Variants in ZCCHC17 observed in about 807,000 individuals in gnomAD.
ZCCHC17 encodes the protein zinc finger CCHC-type containing 17.
In ZCCHC17, 18 loss-of-function variants were observed where a neutral mutation model predicts 30.6. That is an observed-to-expected ratio of 0.59 (90% CI 0.41 to 0.87). The LOEUF (loss-of-function observed/expected upper bound fraction) is 0.87, where lower values mean the gene tolerates loss of function less well. Ranked by LOEUF, ZCCHC17 falls within the 40% of genes least tolerant of loss-of-function variation. The pLI, the probability that ZCCHC17 is intolerant of heterozygous loss-of-function variation, is 0.00. For synonymous variants in ZCCHC17, 88 were observed against 92.4 expected, an observed-to-expected ratio of 0.95 and a Z score of 0.27; for missense variants, 263 against 284.2, an observed-to-expected ratio of 0.93 and a Z score of 0.54.
At chr1:31,362,106 A>G (rs1038068505) in intron 7 of ZCCHC17, among the ~76,000 whole-genome samples, 2 of 152,172 alleles carry the variant, frequency 1.3e-5, no homozygotes, top group Non-Finnish European at 2.9e-5. Flanking sequence ...CACCGCGCCC[A>G]GCCAGTAGAT....
rs775062343 is a variant in ZCCHC17 at position 31,338,984 on chromosome 1, C to G, written c.253C>G (p.Leu85Val). The change falls in exon 5 of 8, where the codon CTC (leucine) becomes GTC (valine). Residue 85 changes from leucine (L) to valine (V), a missense_variant. Physicochemically the swap from Leu to Val is conservative, Grantham distance 32 (BLOSUM62 1). Transcript: ENST00000344147. ...GAAAAATGATAGAATAAAAGTATCC[C>G]TCTCCATGAAGGTTGTCAATCAAGG... ...EMKNDRIKVS[L>V]SMKVVNQGTG... The G allele has an allele frequency of 1.9e-6, 3 of 1,611,426 alleles. No homozygotes were observed. Among genetic ancestry groups the G allele is most frequent in the Non-Finnish European group, 2.5e-6 (3 of 1,179,400 alleles).
At chr1:31,363,919 T>C in intron 7 of ZCCHC17, 113 bp from the exon 8 acceptor site, 1 of 1,447,758 alleles carries the variant, frequency 6.9e-7, no homozygotes. Context: ...CACCTCGGCT[T>C]CCCAAAGTAC....
intron 2 of ZCCHC17, among the ~76,000 whole-genome samples, chr1:31,312,967 TTC>T (rs1226132609): frequency 1.3e-5 from 2 of 152,032 alleles, no homozygotes; most frequent in African/African-American, 4.8e-5. Context: ...GAGACAAGGT[TTC>T]ACCATGTTGG....
At chr1:31,311,051 T>C (rs867168002) in intron 2 of ZCCHC17, among the ~76,000 whole-genome samples, 18 of 152,318 alleles carry the variant, frequency 1.2e-4, no homozygotes, top group African/African-American at 4.1e-4. Flanking sequence ...TTCTTCACAT[T>C]GTAGCTAGCA....
intron 1 of ZCCHC17, among the ~76,000 whole-genome samples, chr1:31,309,119 G>A (rs1297205806): frequency 6.6e-6 from 1 of 151,906 alleles, no homozygotes; most frequent in Non-Finnish European, 1.5e-5. Context: ...GAAAAAAAAA[G>A]TAAGCCCTTT....
intron 1 of ZCCHC17, among the ~76,000 whole-genome samples, chr1:31,305,197 C>T (rs1431456408): frequency 6.6e-6 from 1 of 152,184 alleles, no homozygotes. Flanking sequence ...TATGGAGGCT[C>T]ACCTCTGGTT....
chr1:31,348,741 C>T, intron 6 of ZCCHC17, 88 bp from the exon 7 acceptor site: 1 of 1,509,802 alleles, frequency 6.6e-7, no homozygotes, highest in South Asian at 1.1e-5. Flanking sequence ...AGCCAGCTAG[C>T]CCATTTCAGG....
intron 5 of ZCCHC17, 42 bp downstream of exon 5, chr1:31,339,090 C>T (rs771784292): frequency 1.4e-6 from 2 of 1,459,686 alleles, no homozygotes; most frequent in Non-Finnish European, 1.9e-6. Context: ...TTCTGCCTCC[C>T]AAATCATAAA....
chr1:31,314,061 C>T (rs1055899351), intron 2 of ZCCHC17, among the ~76,000 whole-genome samples: 6 of 152,220 alleles, frequency 3.9e-5, no homozygotes, highest in Admixed American at 6.5e-5. Flanking sequence ...GACAGAGTTT[C>T]GCCATGTTGG....
intron 3 of ZCCHC17, among the ~76,000 whole-genome samples, chr1:31,332,537 T>G (rs1333844792): frequency 6.6e-6 from 1 of 152,050 alleles, no homozygotes; most frequent in African/African-American, 2.4e-5. Flanking sequence ...TTTTTATGAT[T>G]GGAAATAATG....
At chr1:31,320,335 C>G (rs1646832357) in intron 3 of ZCCHC17, among the ~76,000 whole-genome samples, 1 of 152,032 alleles carries the variant, frequency 6.6e-6, no homozygotes, top group East Asian at 1.9e-4. Flanking sequence ...ATTCACATAC[C>G]ACACATTTCA....
At chr1:31,321,431 A>T (rs923235718) in intron 3 of ZCCHC17, among the ~76,000 whole-genome samples, 1 of 152,206 alleles carries the variant, frequency 6.6e-6, no homozygotes, top group African/African-American at 2.4e-5. Context: ...TAAATTACCC[A>T]GTCTCGTATG....
chr1:31,330,049 C>T (rs890798907), intron 3 of ZCCHC17, among the ~76,000 whole-genome samples: 3 of 152,210 alleles, frequency 2.0e-5, no homozygotes, highest in African/African-American at 4.8e-5. Flanking sequence ...GATGAATTGA[C>T]TTAAACTGTG....
At chr1:31,325,263 C>G (rs961527212) in intron 3 of ZCCHC17, among the ~76,000 whole-genome samples, 2 of 152,242 alleles carry the variant, frequency 1.3e-5, no homozygotes, top group African/African-American at 2.4e-5. Context: ...TAAAGCAACT[C>G]TTTGCCTTGC....
intron 7 of ZCCHC17, 102 bp downstream of exon 7, chr1:31,349,076 TTGGGAGGATAAGG>T (rs1639377802): frequency 1.5e-6 from 2 of 1,364,638 alleles, no homozygotes; most frequent in Non-Finnish European, 2.0e-6. Context: ...TCCCAGCTAC[TTGGGAGGATAAGG>T]TGGGAGGATT....
intron 7 of ZCCHC17, among the ~76,000 whole-genome samples, chr1:31,350,255 G>A (rs1639425188): frequency 6.6e-6 from 1 of 152,156 alleles, no homozygotes; most frequent in Admixed American, 6.5e-5. Context: ...TTGTTGAGGG[G>A]TCATTTTGTA....
chr1:31,360,795 G>A (rs1294003366), intron 7 of ZCCHC17, among the ~76,000 whole-genome samples: 2 of 152,120 alleles, frequency 1.3e-5, no homozygotes, highest in East Asian at 1.9e-4. Flanking sequence ...AGCCTTGGTC[G>A]ACTCACTTTA....
rs71569979 is a variant in ZCCHC17 at position 31,343,846 on chromosome 1, A to ATTT, written c.318-2771_318-2769dup. Among the ~76,000 whole-genome samples the ATTT allele has an allele frequency of 3.9e-3, 318 of 80,700 alleles. 9 individuals are homozygous for ATTT. Among genetic ancestry groups the ATTT allele is most frequent in the African/African-American group, 7.5e-3 (117 of 15,594 alleles). The allele number at this position is 80,700 out of a possible 152,430, so 52.9% of individuals were successfully genotyped here. On this transcript the variant is annotated intron_variant, in intron 5 of 7. Coordinates refer to ENST00000344147, the MANE Select transcript of ZCCHC17 (RefSeq NM_016505.4). ...AGGTCCATGCCAGCATGCCCCACTA[A>ATTT]TTTTTTTTTTTTTTTTTTTTTTTTT...
intron 5 of ZCCHC17, among the ~76,000 whole-genome samples, chr1:31,339,960 C>CTTTTTTTTTTTTTTTTTTTTTTT (rs36008834): frequency 1.1e-5 from 1 of 90,400 alleles, no homozygotes; most frequent in African/African-American, 3.5e-5. Context: ...TCTTGGATTT[C>CTTTTTTTTTTTTTTTTTTTTTTT]TTTTTTTTTT....
Sources: gnomAD v4.1 joint callset for allele counts (sites outside exome capture counted in the v4.1 genomes callset) on GRCh38, gnomAD v4.1.1 for gene constraint, MANE v1.5 for transcripts, NCBI Gene and HGNC (gene_info 2026-07-23, HGNC 2026-07-21) for gene names.